HTR7: variants seen among roughly 807,000 people sequenced by gnomAD.
HTR7 encodes the protein 5-hydroxytryptamine receptor 7, also known as 5-HT-7.
In HTR7, 16 loss-of-function variants were observed where a neutral mutation model predicts 34.0. That is an observed-to-expected ratio of 0.47 (90% CI 0.32 to 0.71). The LOEUF (loss-of-function observed/expected upper bound fraction) is 0.71. HTR7 is among the 30% of genes least tolerant of loss of function. The probability of loss-of-function intolerance (pLI) is 0.04; values close to 1 mark genes in which losing one functional copy is unlikely to be tolerated. For synonymous variants in HTR7, 265 were observed against 260.2 expected, an observed-to-expected ratio of 1.02 and a Z score of -0.18; for missense variants, 504 against 625.5, an observed-to-expected ratio of 0.81 and a Z score of 2.07.
intron 1 of HTR7, among the ~76,000 whole-genome samples, chr10:90,822,854 A>G (rs1846007277): frequency 6.6e-6 from 1 of 152,200 alleles, no homozygotes. Flanking sequence ...CACATCTAAA[A>G]GAGGCCAAGG....
At chr10:90,834,582 T>A (rs189056455) in intron 1 of HTR7, among the ~76,000 whole-genome samples, 12 of 152,238 alleles carry the variant, frequency 7.9e-5, no homozygotes, top group African/African-American at 2.6e-4. Flanking sequence ...AGGTGATAGA[T>A]CTGCTCATGT....
At chr10:90,835,729 C>A (rs1273474354) in intron 1 of HTR7, among the ~76,000 whole-genome samples, 2 of 152,114 alleles carry the variant, frequency 1.3e-5, no homozygotes, top group Non-Finnish European at 2.9e-5. Flanking sequence ...TAAACAATTA[C>A]AATTCAGCAT....
intron 2 of HTR7, among the ~76,000 whole-genome samples, chr10:90,748,338 C>T (rs532611230): frequency 3.5e-4 from 54 of 152,240 alleles, no homozygotes; most frequent in African/African-American, 1.2e-3. Context: ...CTGGCATCTC[C>T]CCACACTAAC....
intron 1 of HTR7, among the ~76,000 whole-genome samples, chr10:90,805,504 C>T (rs916436145): frequency 6.6e-6 from 1 of 152,138 alleles, no homozygotes; most frequent in South Asian, 2.1e-4. Context: ...CATAACAAAC[C>T]TTGCTTGCCT....
rs144251349 is a variant in HTR7, at chr10:90,834,855, G to A, written c.539+22278C>T. On this transcript the variant is annotated intron_variant, in intron 1 of 3. Coordinates refer to ENST00000336152, the MANE Select transcript of HTR7 (RefSeq NM_019859.4). ...TCCTAAATTCTGTGTAGGAAGGGGTGCAAAGTCACCCTTGAGAGGGGTGTG... is the reference window on the plus strand; with the variant it reads ...TCCTAAATTCTGTGTAGGAAGGGGTACAAAGTCACCCTTGAGAGGGGTGTG... Among the ~76,000 whole-genome samples, 596 of 152,306 alleles carry A rather than the reference G, an allele frequency of 3.9e-3. 3 individuals carry two copies. Among genetic ancestry groups the A allele is most frequent in the African/African-American group, 0.014 (565 of 41,564 alleles).
chr10:90,788,419 G>A (rs563685212), intron 1 of HTR7, among the ~76,000 whole-genome samples: 1 of 152,266 alleles, frequency 6.6e-6, no homozygotes, highest in South Asian at 2.1e-4. Context: ...ACTTCTTACA[G>A]GAAAGGCCTA....
Position 90,782,228 on chromosome 10 carries a change from T to C in HTR7, c.540-32634A>G, listed in dbSNP as rs111514059. On this transcript the variant is annotated intron_variant, in intron 1 of 3. Coordinates refer to ENST00000336152, the MANE Select transcript of HTR7 (RefSeq NM_019859.4). ...CTGCTCTGCTTCAAAGAGAGGACAC[T>C]GAGCAGCTTCCAGAGGCAACAACAT... is the stretch of plus-strand genomic sequence containing the variant. Among the ~76,000 whole-genome samples, 7 of 152,306 alleles carry C rather than the reference T, an allele frequency of 4.6e-5. 1 individual carries two copies. Among genetic ancestry groups the C allele is most frequent in the African/African-American group, 1.7e-4 (7 of 41,558 alleles).
chr10:90,836,181 T>C (rs976038841), intron 1 of HTR7, among the ~76,000 whole-genome samples: 1 of 152,172 alleles, frequency 6.6e-6, no homozygotes, highest in Non-Finnish European at 1.5e-5. Flanking sequence ...CTGACATCAA[T>C]AAACACATAG....
At chr10:90,790,272 T>A (rs1350656923) in intron 1 of HTR7, among the ~76,000 whole-genome samples, 1 of 152,192 alleles carries the variant, frequency 6.6e-6, no homozygotes, top group Admixed American at 6.5e-5. Flanking sequence ...AGACCCCAAA[T>A]GACTTAATTT....
At chr10:90,814,936 T>C (rs1845875031) in intron 1 of HTR7, among the ~76,000 whole-genome samples, 1 of 152,196 alleles carries the variant, frequency 6.6e-6, no homozygotes. Context: ...AACCAAGATA[T>C]GGATTGACAA....
intron 1 of HTR7, among the ~76,000 whole-genome samples, chr10:90,826,678 G>C (rs987000121): frequency 5.9e-5 from 9 of 152,036 alleles, no homozygotes; most frequent in Admixed American, 1.3e-4. Context: ...TAAAATACTG[G>C]GGTAATCCCA....
chr10:90,783,455 C>T (rs1173025404), intron 1 of HTR7, among the ~76,000 whole-genome samples: 2 of 152,184 alleles, frequency 1.3e-5, no homozygotes. Context: ...GAAATCAGCA[C>T]CTATCCCCAA....
In HTR7 at chr10:90,747,389, C is replaced by T. The variant is rs545071275; in HGVS notation, c.1295+1450G>A. ...AAGATCTCTGGGTTTGCTTACAGTA[C>T]ATGTTCTAGAACTTAAAATTACATT... is the stretch of plus-strand genomic sequence containing the variant. On this transcript the variant is annotated intron_variant, in intron 2 of 3. Coordinates refer to ENST00000336152, the MANE Select transcript of HTR7 (RefSeq NM_019859.4). Among the ~76,000 whole-genome samples, 12 of 152,300 alleles carry T rather than the reference C, an allele frequency of 7.9e-5. No individual in the cohort carries two copies. The East Asian group carries it at 1.9e-3, about 24-fold the overall frequency.
intron 1 of HTR7, among the ~76,000 whole-genome samples, chr10:90,824,005 T>C (rs1846028738): frequency 6.6e-6 from 1 of 152,250 alleles, no homozygotes; most frequent in Non-Finnish European, 1.5e-5. Flanking sequence ...CATAAATTAC[T>C]GAGTCTCAGG....
At chr10:90,831,020 C>G (rs1467942730) in intron 1 of HTR7, among the ~76,000 whole-genome samples, 1 of 152,074 alleles carries the variant, frequency 6.6e-6, no homozygotes, top group Non-Finnish European at 1.5e-5. Flanking sequence ...ACTCTCTATA[C>G]CGTGGTTTTC....
chr10:90,749,899 T>A lies in HTR7; in HGVS notation c.540-305A>T, dbSNP rs942825228. Among the ~76,000 whole-genome samples the A allele has an allele frequency of 6.6e-6, 1 of 152,128 alleles. No individual in the cohort carries two copies. The highest frequency in any genetic ancestry group is 1.5e-5 in the Non-Finnish European group (1 of 68,020). On this transcript the variant is annotated intron_variant, in intron 1 of 3. Transcript: ENST00000336152. The surrounding 1 kb of genome is among the most constrained non-coding windows in gnomAD (Gnocchi z 4.2). Reference sequence around the variant, plus strand: ...TCAACAAAGTTTAAAAAGCTCTCCGTCCCCATGACCACAGCCACCAAAATC... The same window carrying A: ...TCAACAAAGTTTAAAAAGCTCTCCGACCCCATGACCACAGCCACCAAAATC...
chr10:90,833,311 T>C (rs1211219145), intron 1 of HTR7, among the ~76,000 whole-genome samples: 1 of 152,214 alleles, frequency 6.6e-6, no homozygotes, highest in Non-Finnish European at 1.5e-5. Context: ...AGAGGATACA[T>C]GATTTACCAT....
chr10:90,852,465 G>T (rs1019904767), intron 1 of HTR7, among the ~76,000 whole-genome samples: 2 of 152,094 alleles, frequency 1.3e-5, no homozygotes, highest in African/African-American at 4.8e-5. Context: ...AAATTAAAAT[G>T]TTCCAAAGTA....
chr10:90,817,307 C>T (rs1845912018), intron 1 of HTR7, among the ~76,000 whole-genome samples: 1 of 152,180 alleles, frequency 6.6e-6, no homozygotes, highest in South Asian at 2.1e-4. Context: ...AGCCATCAGG[C>T]TTTCCTCCCT....
Sources: gnomAD v4.1 joint callset for allele counts (sites outside exome capture counted in the v4.1 genomes callset) on GRCh38, gnomAD v4.1.1 for gene constraint, Gnocchi (gnomAD v3.1) non-coding constraint, MANE v1.5 for transcripts, NCBI Gene and HGNC (gene_info 2026-07-23, HGNC 2026-07-21) for gene names.